Variants in GRB10 observed in about 807,000 individuals in gnomAD.
GRB10 encodes growth factor receptor-bound protein 10.
A neutral mutation model predicts 80.9 loss-of-function variants in GRB10; 20 were observed. The observed-to-expected ratio is 0.25, with a 90% CI of 0.17 to 0.36. The LOEUF (loss-of-function observed/expected upper bound fraction) is 0.36. Ranked by LOEUF, GRB10 falls within the 10% of genes least tolerant of loss-of-function variation. GRB10 has a pLI of 1.00. For synonymous variants in GRB10, 291 were observed against 291.5 expected (o/e 1.00, Z 0.02); for missense variants, 548 against 747.7 (o/e 0.73, Z 3.12).
intron 18 of GRB10, among the ~76,000 whole-genome samples, chr7:50,593,647 A>G (rs1043465867): frequency 6.6e-6 from 1 of 152,206 alleles, no homozygotes; most frequent in South Asian, 2.1e-4. Context: ...AAGCAGGGGA[A>G]TGCCACAGTA....
At chr7:50,728,862 G>C (rs962367026) in intron 4 of GRB10, among the ~76,000 whole-genome samples, 37 of 151,996 alleles carry the variant, frequency 2.4e-4, no homozygotes, top group African/African-American at 8.7e-4. Flanking sequence ...ATAGAGACAG[G>C]GTATCCCCAT....
chr7:50,744,169 G>A (rs183417726), intron 3 of GRB10, among the ~76,000 whole-genome samples: 16 of 152,208 alleles, frequency 1.1e-4, no homozygotes, highest in African/African-American at 2.9e-4. Flanking sequence ...TGCCTCAATC[G>A]TAGAGATTAG....
chr7:50,640,104 G>T (rs1254572671), intron 7 of GRB10, among the ~76,000 whole-genome samples: 2 of 152,198 alleles, frequency 1.3e-5, no homozygotes, highest in Non-Finnish European at 2.9e-5. Flanking sequence ...ACAACCTGAG[G>T]GCTCCTCCCA....
At chr7:50,776,471 T>C (rs955733980) in intron 2 of GRB10, among the ~76,000 whole-genome samples, 1 of 152,156 alleles carries the variant, frequency 6.6e-6, no homozygotes, top group Admixed American at 6.5e-5. Context: ...TCCTCTCACC[T>C]TGGCCTCTCA....
chr7:50,717,464 T>C (rs2067045372), intron 4 of GRB10, among the ~76,000 whole-genome samples: 1 of 152,012 alleles, frequency 6.6e-6, no homozygotes, highest in South Asian at 2.1e-4. Context: ...TGTGTGTGTG[T>C]GTGCATGCGC....
At chr7:50,719,481 A>G (rs2067373994) in intron 4 of GRB10, among the ~76,000 whole-genome samples, 1 of 149,696 alleles carries the variant, frequency 6.7e-6, no homozygotes, top group Non-Finnish European at 1.5e-5. Flanking sequence ...CAATGAGAAC[A>G]CGTGGACACA....
At chr7:50,679,573 C>T (rs2061335359) in intron 5 of GRB10, among the ~76,000 whole-genome samples, 1 of 152,168 alleles carries the variant, frequency 6.6e-6, no homozygotes. Context: ...ATTACGATCC[C>T]TTCTTCACAG....
intron 12 of GRB10, among the ~76,000 whole-genome samples, chr7:50,614,459 C>A (rs1018763426): frequency 3.3e-5 from 5 of 152,168 alleles, no homozygotes; most frequent in Admixed American, 3.3e-4. Flanking sequence ...GCCCCACCTC[C>A]CCTTCCAGCT....
At chr7:50,627,908 C>T (rs1331032415) in intron 7 of GRB10, among the ~76,000 whole-genome samples, 3 of 152,208 alleles carry the variant, frequency 2.0e-5, no homozygotes, top group Non-Finnish European at 4.4e-5. Context: ...CAGGCTGTCT[C>T]CGGGCAGCAG....
intron 5 of GRB10, among the ~76,000 whole-genome samples, chr7:50,690,327 AAC>A (rs2062662289): frequency 6.7e-6 from 1 of 149,140 alleles, no homozygotes; most frequent in Admixed American, 6.6e-5. Flanking sequence ...AAACAAAAAA[AAC>A]AGAAAAAAAA....
At chr7:50,639,596 C>T (rs1391347595) in intron 7 of GRB10, among the ~76,000 whole-genome samples, 5 of 151,846 alleles carry the variant, frequency 3.3e-5, no homozygotes, top group African/African-American at 9.7e-5. Flanking sequence ...TGGCGTGAAC[C>T]GGGGAGGCGG....
At chr7:50,636,427 G>A (rs76969172) in intron 7 of GRB10, among the ~76,000 whole-genome samples, 40,292 of 152,146 alleles carry the variant, frequency 0.26, 6,621 homozygotes, top group East Asian at 0.49. Flanking sequence ...ACACAACAAA[G>A]TAAGGATACT....
At chr7:50,774,227 GTA>G (rs1217305104) in intron 2 of GRB10, among the ~76,000 whole-genome samples, 2 of 152,164 alleles carry the variant, frequency 1.3e-5, no homozygotes, top group Non-Finnish European at 2.9e-5. Flanking sequence ...GGGAGTGGGG[GTA>G]TGATAGCTAA....
chr7:50,662,070 A>G (rs1029981967), intron 7 of GRB10, among the ~76,000 whole-genome samples: 9 of 152,210 alleles, frequency 5.9e-5, no homozygotes, highest in Non-Finnish European at 1.2e-4. Context: ...AGGACTCCCC[A>G]CATCTCAGCA....
At chr7:50,727,088 A>G (rs2068773507) in intron 4 of GRB10, 1 of 152,254 alleles carries the variant, frequency 6.6e-6, no homozygotes, top group Non-Finnish European at 1.5e-5. Context: ...TAAAATGGGT[A>G]TCATGAAGGT....
chr7:50,722,291 T>G (rs2067885596), intron 4 of GRB10, among the ~76,000 whole-genome samples: 1 of 152,104 alleles, frequency 6.6e-6, no homozygotes, highest in Non-Finnish European at 1.5e-5. Flanking sequence ...GCAAGGGTCA[T>G]TCCAAGATCC....
intron 3 of GRB10, among the ~76,000 whole-genome samples, chr7:50,746,648 C>G (rs1587795492): frequency 6.6e-6 from 1 of 152,292 alleles, no homozygotes; most frequent in South Asian, 2.1e-4. Context: ...TCACCCTCAG[C>G]TACTCACTTT....
rs1471225741 is a variant in GRB10, at chr7:50,748,483, CA to C, written c.-47+7403del. ...AGAAACAGCATAACAAAACCAGAGG[CA>C]AAGGCACACACAACAGGCTGGGAGA... On this transcript the variant is annotated intron_variant, in intron 3 of 18. Coordinates refer to ENST00000401949, the MANE Select transcript of GRB10 (RefSeq NM_001350814.2). 3.3e-5 allele frequency among the ~76,000 whole-genome samples: 5 copies of C among 152,350 alleles called. No homozygotes were observed. The East Asian group carries it at 9.6e-4, about 29-fold the overall frequency.
At chr7:50,670,008 A>C in intron 6 of GRB10, 145 bp from the exon 7 acceptor site, 2 of 940,800 alleles carry the variant, frequency 2.1e-6, no homozygotes, top group Non-Finnish European at 3.3e-6. Context: ...ATCCTTCACA[A>C]AAGCCAAAAA....
Sources: allele counts gnomAD v4.1 joint callset (sites outside exome capture counted in the v4.1 genomes callset), GRCh38; gene constraint gnomAD v4.1.1; transcripts MANE v1.5; gene names NCBI Gene and HGNC (gene_info 2026-07-23, HGNC 2026-07-21).